The following LUZP2 variants were observed in gnomAD, a reference collection of about 807,000 sequenced individuals.
LUZP2 encodes leucine zipper protein 2.
Under a neutral mutation model 51.6 loss-of-function variants are expected in LUZP2, and 52 were observed. That is an observed-to-expected ratio of 1.01 (90% CI 0.81 to 1.27). The LOEUF is 1.27. LUZP2 is among the 50% of genes most tolerant of loss of function. The pLI, the probability that LUZP2 is intolerant of heterozygous loss-of-function variation, is 0.00. For missense variants in LUZP2, 436 were observed against 395.4 expected, an observed-to-expected ratio of 1.10 and a Z score of -0.87; for synonymous variants, 154 against 137.3, an observed-to-expected ratio of 1.12 and a Z score of -0.85.
At chr11:24,795,070 C>T (rs1160081692) in intron 5 of LUZP2, among the ~76,000 whole-genome samples, 3 of 152,028 alleles carry the variant, frequency 2.0e-5, no homozygotes, top group Non-Finnish European at 4.4e-5. Flanking sequence ...ATTTCACTTT[C>T]CAAAATGTTC....
intron 7 of LUZP2, among the ~76,000 whole-genome samples, chr11:24,935,556 C>G (rs916693856): frequency 3.3e-5 from 5 of 151,884 alleles, no homozygotes; most frequent in Admixed American, 2.0e-4. Context: ...ATTTGAGTGC[C>G]CTGGAATTAC....
At chr11:24,613,326 G>GCA (rs1854181943) in intron 1 of LUZP2, among the ~76,000 whole-genome samples, 1 of 145,834 alleles carries the variant, frequency 6.9e-6, no homozygotes, top group South Asian at 2.2e-4. Flanking sequence ...GTGCATGGGT[G>GCA]CACACACACA....
intron 5 of LUZP2, among the ~76,000 whole-genome samples, chr11:24,802,518 A>C (rs1354163410): frequency 1.3e-5 from 2 of 151,912 alleles, no homozygotes; most frequent in African/African-American, 2.4e-5. Context: ...TTTACCTTGT[A>C]TACCATTTTT....
intron 1 of LUZP2, among the ~76,000 whole-genome samples, chr11:24,553,966 G>T (rs964652969): frequency 6.6e-6 from 1 of 152,138 alleles, no homozygotes; most frequent in Non-Finnish European, 1.5e-5. Flanking sequence ...GCGAAAGAAT[G>T]CCTTTGTGCA....
intron 1 of LUZP2, among the ~76,000 whole-genome samples, chr11:24,508,115 C>G (rs141199783): frequency 6.6e-6 from 1 of 151,976 alleles, no homozygotes; most frequent in Non-Finnish European, 1.5e-5. Context: ...GAAACTAAGG[C>G]ACATGAGATT....
chr11:24,657,617 G>C (rs1375978159), intron 1 of LUZP2, among the ~76,000 whole-genome samples: 1 of 152,060 alleles, frequency 6.6e-6, no homozygotes, highest in Non-Finnish European at 1.5e-5. Context: ...TATTCAATTA[G>C]GAAAAGAGGA....
chr11:24,776,813 T>C (rs933707258), intron 5 of LUZP2, among the ~76,000 whole-genome samples: 4 of 152,090 alleles, frequency 2.6e-5, no homozygotes, highest in Non-Finnish European at 4.4e-5. Context: ...TTTCTGCACC[T>C]GGAAGGAAAT....
intron 5 of LUZP2, among the ~76,000 whole-genome samples, chr11:24,809,749 G>T (rs1299372607): frequency 6.8e-6 from 1 of 147,112 alleles, no homozygotes; most frequent in African/African-American, 2.7e-5. Context: ...TTATGCATTT[G>T]TGTGTGTGTG....
At chr11:24,733,528 C>G (rs1279765036) in intron 3 of LUZP2, among the ~76,000 whole-genome samples, 1 of 151,604 alleles carries the variant, frequency 6.6e-6, no homozygotes, top group East Asian at 1.9e-4. Context: ...CACAGAAAGA[C>G]AAATACCACC....
At chr11:24,545,741 T>A (rs1369604631) in intron 1 of LUZP2, among the ~76,000 whole-genome samples, 1 of 152,064 alleles carries the variant, frequency 6.6e-6, no homozygotes, top group East Asian at 1.9e-4. Flanking sequence ...CTTTGTTGTT[T>A]TTGCTTAGGA....
intron 1 of LUZP2, among the ~76,000 whole-genome samples, chr11:24,636,680 A>G (rs1855117558): frequency 6.6e-6 from 1 of 152,214 alleles, no homozygotes; most frequent in Non-Finnish European, 1.5e-5. Flanking sequence ...CCAGCCCACA[A>G]TCTTCACTTG....
intron 5 of LUZP2, among the ~76,000 whole-genome samples, chr11:24,810,948 T>G (rs1850002214): frequency 6.6e-6 from 1 of 152,178 alleles, no homozygotes. Context: ...GGTCTTCTCT[T>G]TAATTTCTCT....
intron 7 of LUZP2, among the ~76,000 whole-genome samples, chr11:24,930,013 C>T (rs1029185558): frequency 5.3e-5 from 8 of 152,142 alleles, no homozygotes; most frequent in African/African-American, 1.9e-4. Flanking sequence ...ACTGCTGCTA[C>T]TTTAAAGTTT....
chr11:24,976,568 A>G, intron 7 of LUZP2, 23 bp from the exon 8 acceptor site: 1 of 1,541,440 alleles, frequency 6.5e-7, no homozygotes. Flanking sequence ...ATTTATCTAG[A>G]AGATTTATCT....
chr11:24,501,133 C>T (rs923434955), intron 1 of LUZP2, among the ~76,000 whole-genome samples: 1 of 152,202 alleles, frequency 6.6e-6, no homozygotes, highest in Non-Finnish European at 1.5e-5. Flanking sequence ...AGGATGCTAC[C>T]TACGTTCCTT....
At chr11:24,741,964 AAATATATACATTTATATATTATATAT>A (rs1565111075) in intron 4 of LUZP2, among the ~76,000 whole-genome samples, 1 of 130,530 alleles carries the variant, frequency 7.7e-6, no homozygotes, top group Non-Finnish European at 1.6e-5. Context: ...TATTATATAT[AAATATATACATTTATATATTATATAT>A]AAATGTATAT....
chr11:24,981,324 A>G (rs1168331936), intron 8 of LUZP2, among the ~76,000 whole-genome samples: 3 of 151,766 alleles, frequency 2.0e-5, no homozygotes, highest in Admixed American at 2.0e-4. Context: ...TTGTCATAGC[A>G]TTTGTAAAAT....
intron 1 of LUZP2, among the ~76,000 whole-genome samples, chr11:24,498,872 G>A (rs540566227): frequency 6.6e-6 from 1 of 152,210 alleles, no homozygotes; most frequent in South Asian, 2.1e-4. Flanking sequence ...TAGAAATCCA[G>A]CCCACAGTGA....
chr11:24,829,925 A>G (rs113974907), intron 5 of LUZP2, among the ~76,000 whole-genome samples: 68 of 152,322 alleles, frequency 4.5e-4, no homozygotes, highest in African/African-American at 1.6e-3. Flanking sequence ...CGTATTTTTC[A>G]TCATAGTACT....
Sources: gnomAD v4.1 joint callset for allele counts (sites outside exome capture counted in the v4.1 genomes callset) on GRCh38, gnomAD v4.1.1 for gene constraint, MANE v1.5 for transcripts, NCBI Gene and HGNC (gene_info 2026-07-23, HGNC 2026-07-21) for gene names.